Variants in CNGB3 observed in about 807,000 individuals in gnomAD.
CNGB3 encodes cyclic nucleotide gated channel subunit beta 3.
CNGB3 carries 86 observed loss-of-function variants against 92.8 expected under a neutral mutation model. The observed-to-expected ratio is 0.93, with a 90% CI of 0.78 to 1.11. The LOEUF (loss-of-function observed/expected upper bound fraction) is 1.11. Ranked by LOEUF, CNGB3 falls within the 50% of genes least tolerant of loss-of-function variation. The pLI is 0.00. For missense variants in CNGB3, 1,026 were observed against 956.8 expected, an observed-to-expected ratio of 1.07 and a Z score of -0.95; for synonymous variants, 333 against 332.7, an observed-to-expected ratio of 1.00 and a Z score of -0.01.
In CNGB3 at chr8:86,578,679, A is replaced by G. The variant is rs1299569775; in HGVS notation, c.2103+10T>C. ...TCCATGACAGCCGTCCATTCACTCC[A>G]CCTTATTACCTGAGCTGCTTGCTCT... On this transcript the variant is annotated intron_variant, in intron 17 of 17. Coordinates refer to ENST00000320005, the MANE Select transcript of CNGB3 (RefSeq NM_019098.5). The G allele has an allele frequency of 2.5e-6, 4 of 1,613,436 alleles. No homozygotes were observed. In the South Asian group the frequency reaches 3.3e-5, roughly 13 times the overall value.
At chr8:86,728,816 A>G (rs925685264) in intron 2 of CNGB3, among the ~76,000 whole-genome samples, 2 of 152,202 alleles carry the variant, frequency 1.3e-5, no homozygotes, top group African/African-American at 4.8e-5. Context: ...TAGGACTGAT[A>G]AAGAATATGA....
chr8:86,647,154 A>G (rs1198298584), intron 8 of CNGB3, among the ~76,000 whole-genome samples: 2 of 151,028 alleles, frequency 1.3e-5, no homozygotes, highest in Non-Finnish European at 3.0e-5. Context: ...AGTTTTTTCC[A>G]TATCAGTACA....
rs75858066 is a variant in CNGB3, at chr8:86,671,083, C to T, written c.354G>A (p.Pro118=). The T allele has an allele frequency of 9.3e-6, 15 of 1,613,362 alleles. No homozygotes were observed. Among genetic ancestry groups the T allele is most frequent in the Middle Eastern group, 1.7e-4 (1 of 6,014 alleles). ...KEGPNSPQNK[P]PAAPVINEYA... The stretch of plus-strand genomic sequence containing the variant: ...ACTCATTTATAACAGGAGCTGCAGG[C>T]GGTTTGTTTTGTGGGCTAAATGAGA... The change falls in exon 4 of 18, where the codon CCG becomes CCA. Residue 118 remains proline (P), a synonymous_variant. Transcript: ENST00000320005.
intron 3 of CNGB3, among the ~76,000 whole-genome samples, chr8:86,685,090 T>A (rs1005944353): frequency 3.2e-4 from 48 of 152,264 alleles, no homozygotes; most frequent in Middle Eastern, 6.8e-3. Flanking sequence ...ATTATTGTAC[T>A]ATAGTTTTGC....
chr8:86,584,930 T>C (rs968366651), intron 15 of CNGB3, among the ~76,000 whole-genome samples: 1 of 152,166 alleles, frequency 6.6e-6, no homozygotes, highest in Admixed American at 6.5e-5. Flanking sequence ...TAAAGCATGG[T>C]ATGGTTTTGT....
rs201682957 is a variant in CNGB3 at position 86,590,129 on chromosome 8, C to A, written c.1782-10877G>T. Among the ~76,000 whole-genome samples the A allele has an allele frequency of 7.0e-3, 1,058 of 151,810 alleles. 12 individuals carry two copies. Among genetic ancestry groups the A allele is most frequent in the African/African-American group, 0.024 (971 of 41,308 alleles). On this transcript the variant is annotated intron_variant, in intron 15 of 17. Coordinates refer to ENST00000320005, the MANE Select transcript of CNGB3 (RefSeq NM_019098.5). ...TGTCTCTTTTGATCTTTTTTGGTTT[C>A]AAGTCTGTTTTATCAGAGACTAGGA...
At chr8:86,628,658 A>G (rs775468979) in intron 12 of CNGB3, among the ~76,000 whole-genome samples, 4 of 152,110 alleles carry the variant, frequency 2.6e-5, no homozygotes, top group African/African-American at 9.7e-5. Flanking sequence ...ATGTGTGACT[A>G]TATGAGACAA....
intron 10 of CNGB3, among the ~76,000 whole-genome samples, chr8:86,634,827 A>C (rs1392199935): frequency 6.6e-6 from 1 of 151,916 alleles, no homozygotes; most frequent in African/African-American, 2.4e-5. Context: ...TTGAGATTTT[A>C]AGATCTTCAA....
At position 86,647,718 on chromosome 8, in the gene CNGB3, T is replaced by C; in HGVS notation, c.990+83A>G. 16 of 831,230 alleles carry C rather than the reference T, an allele frequency of 1.9e-5. No individual in the cohort carries two copies. The South Asian group carries it at 2.2e-4, about 12-fold the overall frequency. 51.5% of individuals were successfully genotyped at this position (831,230 alleles called of 1,614,324 possible). On this transcript the variant is annotated intron_variant, in intron 8 of 17. Coordinates refer to ENST00000320005, the MANE Select transcript of CNGB3 (RefSeq NM_019098.5). ...GAATATTGATCATTTTAAGATACTT[T>C]AAATTGTTTCAAGATTTCCATTATA...
At chr8:86,657,885 G>A (rs553617897) in intron 6 of CNGB3, 97 of 542,778 alleles carry the variant, frequency 1.8e-4, no homozygotes, top group Admixed American at 8.6e-4. Flanking sequence ...GGGAGGACAG[G>A]GTTCAGACGC....
chr8:86,704,349 A>G (rs1272481090), intron 3 of CNGB3: 1 of 152,268 alleles, frequency 6.6e-6, no homozygotes, highest in East Asian at 1.9e-4. Flanking sequence ...GAGAAGGAAG[A>G]AAATCCAGGG....
intron 3 of CNGB3, among the ~76,000 whole-genome samples, chr8:86,726,115 G>A (rs574627095): frequency 6.6e-6 from 1 of 152,268 alleles, no homozygotes; most frequent in East Asian, 1.9e-4. Flanking sequence ...TGGATAAAAG[G>A]AAATAATAAT....
intron 15 of CNGB3, among the ~76,000 whole-genome samples, chr8:86,587,998 T>G (rs1411246691): frequency 6.8e-6 from 1 of 147,890 alleles, no homozygotes; most frequent in Non-Finnish European, 1.5e-5. Flanking sequence ...TTTGTTTGTA[T>G]CCTCTTTTAT....
At position 86,718,750 on chromosome 8, in the gene CNGB3, A is replaced by T. The variant is rs187819610; in HGVS notation, c.338+7781T>A. Among the ~76,000 whole-genome samples, 4 of 152,262 alleles carry T rather than the reference A, an allele frequency of 2.6e-5. No homozygotes were observed. The East Asian group carries it at 7.7e-4, about 29-fold the overall frequency. ...AACTACAGATCAATATCCCTGATGA[A>T]CATATATGCAACAATCCTTAACAAA... On this transcript the variant is annotated intron_variant, in intron 3 of 17. Transcript: ENST00000320005.
intron 13 of CNGB3, among the ~76,000 whole-genome samples, chr8:86,612,485 T>C (rs542644443): frequency 6.6e-6 from 1 of 152,316 alleles, no homozygotes; most frequent in African/African-American, 2.4e-5. Context: ...GAGGGAATTA[T>C]GATTTTGCTG....
At position 86,647,889 on chromosome 8, in the gene CNGB3, T is replaced by G. The variant is rs1554612159; in HGVS notation, c.904-2A>C. 2 of 1,567,668 alleles carry G rather than the reference T, an allele frequency of 1.3e-6. No individual in the cohort carries two copies. Among genetic ancestry groups the G allele is most frequent in the Non-Finnish European group, 1.8e-6 (2 of 1,138,798 alleles). On this transcript the variant is annotated splice_acceptor_variant, in intron 7 of 17. Coordinates refer to ENST00000320005, the MANE Select transcript of CNGB3 (RefSeq NM_019098.5). LOFTEE classifies it high-confidence loss of function. ...TGGTATTATTGATGCGACATCCAAC[T>G]GTTGAAAGAACACATTCACAAATAT...
chr8:86,579,487 G>T lies in CNGB3; in HGVS notation c.1782-235C>A, dbSNP rs145301681. On this transcript the variant is annotated intron_variant, in intron 15 of 17. Coordinates refer to ENST00000320005, the MANE Select transcript of CNGB3 (RefSeq NM_019098.5). ...TAAGTCCCACAAATCAAGGACTTGT[G>T]GCTGTCAGTATCCTGTCAGATCCTT... Among the ~76,000 whole-genome samples, 173 of 152,202 alleles carry T rather than the reference G, an allele frequency of 1.1e-3. 1 individual carries two copies. Among genetic ancestry groups the T allele is most frequent in the African/African-American group, 4.0e-3 (167 of 41,536 alleles).
intron 3 of CNGB3, among the ~76,000 whole-genome samples, chr8:86,713,643 C>A (rs1221641672): frequency 1.3e-5 from 2 of 152,098 alleles, no homozygotes; most frequent in African/African-American, 4.8e-5. Context: ...GACAGAATTG[C>A]ATGCTCTCTC....
intron 1 of CNGB3, 151 bp from the exon 2 acceptor site, chr8:86,739,887 T>C (rs2131684135): frequency 1.0e-6 from 1 of 963,986 alleles, no homozygotes; most frequent in East Asian, 2.6e-5. Flanking sequence ...GCATTTAAAA[T>C]GGGCATTCTT....
Sources: gnomAD v4.1 joint callset for allele counts (sites outside exome capture counted in the v4.1 genomes callset) on GRCh38, gnomAD v4.1.1 for gene constraint, MANE v1.5 for transcripts, NCBI Gene and HGNC (gene_info 2026-07-23, HGNC 2026-07-21) for gene names.